Variants in COL4A1 observed in about 807,000 individuals in gnomAD.
The protein encoded by COL4A1 is collagen type IV alpha 1 chain.
In COL4A1, 40 loss-of-function variants were observed where a neutral mutation model predicts 216.6. The ratio of observed to expected loss-of-function variants is 0.18; its 90% CI spans 0.14 to 0.24. The LOEUF (loss-of-function observed/expected upper bound fraction) is 0.24. Ranked by LOEUF, COL4A1 falls within the 10% of genes least tolerant of loss-of-function variation. The probability of loss-of-function intolerance (pLI) is 1.00; values close to 1 mark genes in which losing one functional copy is unlikely to be tolerated. For synonymous variants in COL4A1, 839 were observed against 810.7 expected, an observed-to-expected ratio of 1.03 and a Z score of -0.59; for missense variants, 1,628 against 2,196.8, an observed-to-expected ratio of 0.74 and a Z score of 5.18.
intron 12 of COL4A1, 26 bp downstream of exon 12, chr13:110,208,823 A>G: frequency 6.2e-7 from 1 of 1,613,662 alleles, no homozygotes; most frequent in Non-Finnish European, 8.5e-7. Flanking sequence ...TCAACATGAA[A>G]GCACTCCAGA....
At chr13:110,266,114 A>T (rs1883022669) in intron 1 of COL4A1, 1 of 152,204 alleles carries the variant, frequency 6.6e-6, no homozygotes, top group Admixed American at 6.5e-5. Flanking sequence ...CGCATAACCT[A>T]AAGAATGAAG....
In COL4A1 at chr13:110,212,351, T is replaced by A. The variant is rs1013111066; in HGVS notation, c.387+66A>T. On this transcript the variant is annotated intron_variant, in intron 6 of 51. Transcript: ENST00000375820. The stretch of plus-strand genomic sequence containing the variant: ...ACTCTATTAACAGAATCACACTACC[T>A]GACTCCTTAATATGCAAAAATTACG... 4 of 1,577,216 alleles carry A rather than the reference T, an allele frequency of 2.5e-6. No homozygotes were observed. In the South Asian group the frequency reaches 4.4e-5, roughly 17 times the overall value.
intron 1 of COL4A1, among the ~76,000 whole-genome samples, chr13:110,253,816 CGTAT>C (rs1448838082): frequency 1.2e-4 from 10 of 82,928 alleles, no homozygotes; most frequent in African/African-American, 3.5e-4. Flanking sequence ...TATAATTATA[CGTAT>C]GTATGTATTA....
intron 30 of COL4A1, 77 bp from the exon 31 acceptor site, chr13:110,179,113 A>C (rs1434659764): frequency 6.5e-6 from 10 of 1,531,224 alleles, no homozygotes; most frequent in Non-Finnish European, 9.0e-6. Context: ...ATGCACACGA[A>C]TGGCCCCAGC....
chr13:110,177,140 T>C (rs1877925777), intron 33 of COL4A1, 103 bp from the exon 34 acceptor site: 2 of 1,562,152 alleles, frequency 1.3e-6, no homozygotes, highest in African/African-American at 1.4e-5. Flanking sequence ...GCAAAAAGGC[T>C]ACAAAGCACT....
chr13:110,189,777 T>C (rs182142107), intron 24 of COL4A1, among the ~76,000 whole-genome samples: 11 of 152,354 alleles, frequency 7.2e-5, no homozygotes, highest in Admixed American at 6.5e-4. Context: ...GGGCTCGGGC[T>C]GCCTTCTGGT....
intron 1 of COL4A1, among the ~76,000 whole-genome samples, chr13:110,299,895 T>C (rs1884426232): frequency 6.6e-6 from 1 of 152,150 alleles, no homozygotes; most frequent in Non-Finnish European, 1.5e-5. Context: ...TTCAAGCTAA[T>C]GATAAAAAAG....
At chr13:110,165,439 A>G (rs1877290310) in intron 45 of COL4A1, among the ~76,000 whole-genome samples, 3 of 152,242 alleles carry the variant, frequency 2.0e-5, no homozygotes, top group Admixed American at 1.3e-4. Context: ...GTGACGAATG[A>G]ACTTAATCCT....
chr13:110,291,520 C>T (rs893851354), intron 1 of COL4A1, among the ~76,000 whole-genome samples: 3 of 152,212 alleles, frequency 2.0e-5, no homozygotes, highest in African/African-American at 7.2e-5. Context: ...TCTCCCATCG[C>T]CTTCTCAGCC....
At chr13:110,295,131 C>G (rs139941431) in intron 1 of COL4A1, among the ~76,000 whole-genome samples, 1 of 152,118 alleles carries the variant, frequency 6.6e-6, no homozygotes, top group East Asian at 1.9e-4. Flanking sequence ...GTACAGAGCT[C>G]AGAAGACTTT....
chr13:110,165,790 A>G (rs1465840915), intron 45 of COL4A1, among the ~76,000 whole-genome samples: 1 of 152,166 alleles, frequency 6.6e-6, no homozygotes. Flanking sequence ...GGCGACTTTC[A>G]TGCTGTAGGC....
At position 110,187,055 on chromosome 13, in the gene COL4A1, A is replaced by G. The variant is rs1038966656; in HGVS notation, c.1728+83T>C. On this transcript the variant is annotated intron_variant, in intron 25 of 51. Transcript: ENST00000375820. ...ATCATCAAGGAGATAGAAATACATC[A>G]ATATGATTCAAATTACTCATTTCTC... 2.0e-6 allele frequency: 3 copies of G among 1,508,088 alleles called. No individual in the cohort carries two copies. In the African/African-American group the frequency reaches 4.1e-5, roughly 21 times the overall value. The allele number at this position is 1,508,088 out of a possible 1,614,324, so 93.4% of individuals were successfully genotyped here.
intron 1 of COL4A1, among the ~76,000 whole-genome samples, chr13:110,247,449 AT>A (rs2139252033): frequency 6.6e-6 from 1 of 152,330 alleles, no homozygotes; most frequent in Non-Finnish European, 1.5e-5. Context: ...ATATGTTAAA[AT>A]AATTAATACT....
intron 26 of COL4A1, among the ~76,000 whole-genome samples, chr13:110,183,833 G>T (rs575528713): frequency 6.6e-6 from 1 of 152,324 alleles, no homozygotes; most frequent in East Asian, 1.9e-4. Context: ...CCCAAGCCAG[G>T]AAGCACAGCC....
chr13:110,237,608 A>G (rs944306992), intron 2 of COL4A1, among the ~76,000 whole-genome samples: 2 of 152,230 alleles, frequency 1.3e-5, no homozygotes, highest in African/African-American at 2.4e-5. Flanking sequence ...TGTATAATAG[A>G]TATTACAATA....
At chr13:110,253,180 C>CATATTATATATACATGTAACTATAT (rs1566417493) in intron 1 of COL4A1, among the ~76,000 whole-genome samples, 1 of 91,166 alleles carries the variant, frequency 1.1e-5, no homozygotes, top group African/African-American at 4.7e-5. Flanking sequence ...ACTATATGTA[C>CATATTATATATACATGTAACTATAT]GTATGTATTA....
chr13:110,164,771 A>G, intron 46 of COL4A1, 91 bp downstream of exon 46: 2 of 1,538,302 alleles, frequency 1.3e-6, no homozygotes, highest in Non-Finnish European at 1.8e-6. Context: ...CATTACCCAG[A>G]AACTTATTTT....
chr13:110,209,177 T>C (rs755238318), intron 11 of COL4A1, among the ~76,000 whole-genome samples: 1 of 152,130 alleles, frequency 6.6e-6, no homozygotes, highest in Non-Finnish European at 1.5e-5. Flanking sequence ...TTCCAAAGTA[T>C]TGACTAAGGG....
intron 1 of COL4A1, among the ~76,000 whole-genome samples, chr13:110,303,564 T>TAG (rs1258469435): frequency 1.3e-5 from 2 of 152,234 alleles, no homozygotes; most frequent in Non-Finnish European, 2.9e-5. Context: ...CTTCTGTGTA[T>TAG]AGTACACCAT....
Sources: allele counts gnomAD v4.1 joint callset (sites outside exome capture counted in the v4.1 genomes callset), GRCh38; gene constraint gnomAD v4.1.1; transcripts MANE v1.5; gene names NCBI Gene and HGNC (gene_info 2026-07-23, HGNC 2026-07-21).